The following MYO5A variants were observed in gnomAD, a reference collection of about 807,000 sequenced individuals.
MYO5A encodes unconventional myosin-Va.
A neutral mutation model predicts 249.7 loss-of-function variants in MYO5A; 98 were observed. The ratio of observed to expected loss-of-function variants is 0.39; its 90% CI spans 0.33 to 0.46. MYO5A has a LOEUF of 0.46. Ranked by LOEUF, MYO5A falls within the 20% of genes least tolerant of loss-of-function variation. The pLI, the probability that MYO5A is intolerant of heterozygous loss-of-function variation, is 0.98. For synonymous variants in MYO5A, 778 were observed against 810.6 expected, an observed-to-expected ratio of 0.96 and a Z score of 0.68; for missense variants, 1,696 against 2,308.8, an observed-to-expected ratio of 0.73 and a Z score of 5.44.
At chr15:52,415,499 C>T (rs1367464707) in intron 5 of MYO5A, among the ~76,000 whole-genome samples, 1 of 152,048 alleles carries the variant, frequency 6.6e-6, no homozygotes, top group Non-Finnish European at 1.5e-5. Context: ...TTTCATAGTT[C>T]TTCCCCTGTC....
intron 5 of MYO5A, among the ~76,000 whole-genome samples, chr15:52,411,884 A>G (rs2043266111): frequency 6.6e-6 from 1 of 152,230 alleles, no homozygotes; most frequent in Non-Finnish European, 1.5e-5. Flanking sequence ...AACATTTTAA[A>G]TGCTTTTCTA....
rs548778815 is a variant in MYO5A, at chr15:52,458,617, C to CA, written c.28-25333dup. Among the ~76,000 whole-genome samples the CA allele has an allele frequency of 2.6e-3, 362 of 139,646 alleles. 1 individual carries two copies. Among genetic ancestry groups the CA allele is most frequent in the Non-Finnish European group, 4.0e-3 (257 of 64,154 alleles). 91.6% of individuals were successfully genotyped at this position (139,646 alleles called of 152,430 possible). On this transcript the variant is annotated intron_variant, in intron 1 of 41. Transcript: ENST00000399233. ...CCCTGCACAAAGCAAGATTCTGTCT[C>CA]AAAAAAAAAAGAAAAATAATAAAAA... is the stretch of plus-strand genomic sequence containing the variant.
chr15:52,329,002 C>T (rs552213360), intron 35 of MYO5A: 1 of 152,310 alleles, frequency 6.6e-6, no homozygotes, highest in East Asian at 1.9e-4. Flanking sequence ...AGTATACCTG[C>T]CTTCACTCTT....
chr15:52,455,996 A>G (rs1208974449), intron 1 of MYO5A, among the ~76,000 whole-genome samples: 2 of 152,120 alleles, frequency 1.3e-5, no homozygotes, highest in Non-Finnish European at 2.9e-5. Flanking sequence ...AAGACATCCA[A>G]ATTGGAAAGG....
chr15:52,505,315 C>T (rs537764144), intron 1 of MYO5A: 14 of 777,108 alleles, frequency 1.8e-5, no homozygotes, highest in African/African-American at 1.2e-4. Context: ...AGCAGTGCCC[C>T]GCCCACTGCC....
At chr15:52,377,480 T>C (rs1347783936) in intron 18 of MYO5A, among the ~76,000 whole-genome samples, 2 of 152,098 alleles carry the variant, frequency 1.3e-5, no homozygotes, top group South Asian at 2.1e-4. Context: ...TATTACATTG[T>C]GATTCACCTT....
intron 27 of MYO5A, among the ~76,000 whole-genome samples, 182 bp from the exon 28 acceptor site, chr15:52,351,663 G>A (rs2039961213): frequency 6.6e-6 from 1 of 152,188 alleles, no homozygotes; most frequent in African/African-American, 2.4e-5. Context: ...CTGACATCAA[G>A]TAGAATTGAG....
At chr15:52,442,190 T>C (rs1327941987) in intron 1 of MYO5A, among the ~76,000 whole-genome samples, 2 of 151,906 alleles carry the variant, frequency 1.3e-5, no homozygotes, top group Non-Finnish European at 2.9e-5. Flanking sequence ...AGAACAGAGA[T>C]TCAGTCCCCA....
chr15:52,413,147 CAAAAAAAAAA>C (rs767059579), intron 5 of MYO5A, among the ~76,000 whole-genome samples: 2 of 66,152 alleles, frequency 3.0e-5, no homozygotes, highest in East Asian at 4.4e-4. Context: ...AACTCTGTCT[CAAAAAAAAAA>C]AAAAAAAAAA....
rs1057302548 is a variant in MYO5A at position 52,387,930 on chromosome 15, A to T, written c.1669-18T>A. ...TATTCCACCTGAAAACACATGGAAA[A>T]ATCTCCTTAACTGATAAAACTTTTG... On this transcript the variant is annotated intron_variant, in intron 13 of 41. Transcript: ENST00000399233. The T allele has an allele frequency of 1.9e-6, 3 of 1,558,598 alleles. No homozygotes were observed. Among genetic ancestry groups the T allele is most frequent in the Non-Finnish European group, 2.7e-6 (3 of 1,131,232 alleles).
chr15:52,499,138 G>A (rs2077101301), intron 1 of MYO5A, among the ~76,000 whole-genome samples: 1 of 152,120 alleles, frequency 6.6e-6, no homozygotes, highest in African/African-American at 2.4e-5. Context: ...TCCTGAAGCA[G>A]CTTCTCCTCC....
chr15:52,525,640 C>T (rs1380187589), intron 1 of MYO5A, among the ~76,000 whole-genome samples: 1 of 152,204 alleles, frequency 6.6e-6, no homozygotes, highest in African/African-American at 2.4e-5. Context: ...ATACATCTTT[C>T]CTTGTAATCT....
intron 28 of MYO5A, among the ~76,000 whole-genome samples, chr15:52,349,052 G>A (rs1015292069): frequency 2.0e-5 from 3 of 152,100 alleles, no homozygotes; most frequent in Non-Finnish European, 4.4e-5. Flanking sequence ...CTATTTCCAG[G>A]AACAAATGCT....
intron 34 of MYO5A, among the ~76,000 whole-genome samples, chr15:52,335,701 A>T (rs2039087508): frequency 1.3e-5 from 2 of 152,114 alleles, no homozygotes; most frequent in Non-Finnish European, 1.5e-5. Flanking sequence ...TTTCATCATC[A>T]TCATATAGAA....
rs2077773993 is a variant in MYO5A, at chr15:52,528,854, T to TCGCCTGGGCGGC, written c.-60_-49dup. The TCGCCTGGGCGGC allele has an allele frequency of 7.0e-7, 1 of 1,433,540 alleles. No individual in the cohort carries two copies. Among genetic ancestry groups the TCGCCTGGGCGGC allele is most frequent in the South Asian group, 1.4e-5 (1 of 71,904 alleles). 88.8% of individuals were successfully genotyped at this position (1,433,540 alleles called of 1,614,324 possible). On this transcript the variant is annotated 5_prime_UTR_variant, in exon 1 of 42. Coordinates refer to ENST00000399233, the MANE Select transcript of MYO5A (RefSeq NM_001382347.1). ...CCCCCGCCTGTGCGGAGGCCGCACCTCGCCTGGGCGGCCGCCCGAGCGGAC... is the reference window on the plus strand; with the variant it reads ...CCCCCGCCTGTGCGGAGGCCGCACCTCGCCTGGGCGGCCGCCTGGGCGGCCGCCCGAGCGGAC...
intron 3 of MYO5A, among the ~76,000 whole-genome samples, chr15:52,427,002 G>A (rs1476776737): frequency 6.6e-6 from 1 of 152,050 alleles, no homozygotes; most frequent in African/African-American, 2.4e-5. Flanking sequence ...GATATTAAAT[G>A]TCATAGGAAA....
chr15:52,355,353 G>C (rs1002747931), intron 25 of MYO5A, among the ~76,000 whole-genome samples: 1 of 152,104 alleles, frequency 6.6e-6, no homozygotes, highest in African/African-American at 2.4e-5. Flanking sequence ...AAATGAAAAT[G>C]ATTATCACAT....
At chr15:52,514,150 T>G (rs1306160653) in intron 1 of MYO5A, among the ~76,000 whole-genome samples, 1 of 152,264 alleles carries the variant, frequency 6.6e-6, no homozygotes, top group Non-Finnish European at 1.5e-5. Flanking sequence ...TAATTTATTG[T>G]AATTCCACTC....
intron 9 of MYO5A, among the ~76,000 whole-genome samples, chr15:52,400,259 T>G (rs2042690528): frequency 6.6e-6 from 1 of 152,226 alleles, no homozygotes; most frequent in Non-Finnish European, 1.5e-5. Context: ...TAAGTAACAC[T>G]AACTCCAAAC....
Sources: gnomAD v4.1 joint callset for allele counts (sites outside exome capture counted in the v4.1 genomes callset) on GRCh38, gnomAD v4.1.1 for gene constraint, MANE v1.5 for transcripts, NCBI Gene and HGNC (gene_info 2026-07-23, HGNC 2026-07-21) for gene names.